Variants in PPP3CC observed in about 807,000 individuals in gnomAD.
The protein encoded by PPP3CC is protein phosphatase 3 catalytic subunit gamma.
Under a neutral mutation model 60.3 loss-of-function variants are expected in PPP3CC, and 35 were observed. The observed-to-expected ratio is 0.58, with a 90% CI of 0.44 to 0.77. The LOEUF is 0.77. Among genes scored for constraint, PPP3CC ranks in the 30% least tolerant of loss-of-function variants. PPP3CC has a pLI of 0.00. For missense variants in PPP3CC, 570 were observed against 628.9 expected (o/e 0.91, Z 1.00); for synonymous variants, 206 against 224.3 (o/e 0.92, Z 0.73).
chr8:22,460,487 C>G lies in PPP3CC; in HGVS notation c.50-14467C>G, dbSNP rs181071868. 7.0e-4 allele frequency among the ~76,000 whole-genome samples: 106 copies of G among 151,984 alleles called. 1 individual carries two copies. The East Asian group carries it at 0.017, about 25-fold the overall frequency. On this transcript the variant is annotated intron_variant, in intron 1 of 13. Transcript: ENST00000240139. ...GATTACAAGCATGAGCCACCATTCC[C>G]AGGCCAAAACTTTCGAAACTTTAAA...
Position 22,532,233 on chromosome 8 carries a change from A to G in PPP3CC, c.1150A>G (p.Thr384Ala), listed in dbSNP as rs1586872140. 3.7e-6 allele frequency: 6 copies of G among 1,610,810 alleles called. No homozygotes were observed. Among genetic ancestry groups the G allele is most frequent in the East Asian group, 2.2e-5 (1 of 44,856 alleles). The change falls in exon 11 of 14, where the codon ACA becomes GCA. Residue 384 changes from threonine (T) to alanine (A), a missense_variant. Transcript: ENST00000240139. ...TCTTTGTATTCTCTAAGGAAGCACT[A>G]CAGTTCGTAAGGAGATCATCAGGAA... ...ISDDEAEGST[T>A]VRKEIIRNKI...
chr8:22,466,359 G>T (rs192849888), intron 1 of PPP3CC, among the ~76,000 whole-genome samples: 48 of 152,228 alleles, frequency 3.2e-4, no homozygotes, highest in Admixed American at 7.8e-4. Flanking sequence ...CCTAGTAATG[G>T]GATTGCTGGG....
chr8:22,489,708 T>G (rs2132495519), intron 3 of PPP3CC, among the ~76,000 whole-genome samples: 1 of 137,078 alleles, frequency 7.3e-6, no homozygotes, highest in Non-Finnish European at 1.5e-5. Flanking sequence ...ATATATTATA[T>G]ATAAGTATAT....
intron 1 of PPP3CC, among the ~76,000 whole-genome samples, chr8:22,467,794 C>T (rs567017951): frequency 2.0e-5 from 3 of 152,274 alleles, no homozygotes; most frequent in East Asian, 1.9e-4. Flanking sequence ...TTATTTCTTA[C>T]AGTCCTAGAG....
chr8:22,511,277 G>A (rs1168437316), intron 5 of PPP3CC, 46 bp downstream of exon 5: 1 of 1,576,902 alleles, frequency 6.3e-7, no homozygotes, highest in East Asian at 2.2e-5. Context: ...TTTAAAATGT[G>A]TTGGGTTTTT....
chr8:22,511,323 T>C, intron 5 of PPP3CC, 92 bp downstream of exon 5: 2 of 1,353,676 alleles, frequency 1.5e-6, no homozygotes, highest in Non-Finnish European at 2.0e-6. Context: ...AGAGTCTCTC[T>C]CTTTCACCCG....
chr8:22,537,196 T>A (rs1839862573), intron 12 of PPP3CC, among the ~76,000 whole-genome samples: 1 of 152,220 alleles, frequency 6.6e-6, no homozygotes, highest in Non-Finnish European at 1.5e-5. Flanking sequence ...GAGATTGGTA[T>A]CTAGAAAATA....
In PPP3CC at chr8:22,441,239, G is replaced by T. The variant is rs1348915543; in HGVS notation, c.-171G>T. 25 of 525,160 alleles carry T rather than the reference G, an allele frequency of 4.8e-5. No individual in the cohort carries two copies. Among genetic ancestry groups the T allele is most frequent in the Non-Finnish European group, 5.7e-5 (18 of 317,816 alleles). 32.5% of individuals were successfully genotyped at this position (525,160 alleles called of 1,614,324 possible). On this transcript the variant is annotated 5_prime_UTR_variant, in exon 1 of 14. Coordinates refer to ENST00000240139, the MANE Select transcript of PPP3CC (RefSeq NM_005605.5). ...CGTCCTGTCAGTGGCGTCGGAGGCC[G>T]GCGCTGCGGTGGCCGCGCCCTTCTG...
chr8:22,533,054 T>C (rs1446393857), intron 12 of PPP3CC, 36 bp downstream of exon 12: 1 of 1,447,106 alleles, frequency 6.9e-7, no homozygotes, highest in Admixed American at 2.1e-5. Context: ...GAAGGTGTGC[T>C]CCCGTTACCT....
Position 22,475,120 on chromosome 8 carries a change from G to A in PPP3CC, c.216G>A (p.Lys72=), listed in dbSNP as rs774623986. 1.6e-5 allele frequency: 25 copies of A among 1,612,656 alleles called. No individual in the cohort carries two copies. The highest frequency in any genetic ancestry group is 2.0e-5 in the Non-Finnish European group (24 of 1,179,100). Residue 72 remains lysine, a synonymous_variant, in exon 2 of 14, where the codon AAG becomes AAA. Coordinates refer to ENST00000240139, the MANE Select transcript of PPP3CC (RefSeq NM_005605.5). ...GGGCTGCCATCCTGAGGCAAGAGAAGACTATGATAGAAGTAGATGCTCCAA... is the reference window on the plus strand; with the variant it reads ...GGGCTGCCATCCTGAGGCAAGAGAAAACTATGATAGAAGTAGATGCTCCAA... ...NDGAAILRQE[K]TMIEVDAPIT... is the part of the protein sequence containing the mutation.
At chr8:22,464,128 G>A (rs915131241) in intron 1 of PPP3CC, among the ~76,000 whole-genome samples, 2 of 152,062 alleles carry the variant, frequency 1.3e-5, no homozygotes, top group African/African-American at 4.8e-5. Flanking sequence ...TGATTAAATT[G>A]GGAAGGCTTA....
chr8:22,533,329 AAAAT>A (rs1839767844), intron 12 of PPP3CC, among the ~76,000 whole-genome samples: 1 of 152,250 alleles, frequency 6.6e-6, no homozygotes, highest in Admixed American at 6.5e-5. Context: ...GAATTTCATT[AAAAT>A]AAAGAACTTC....
chr8:22,530,925 G>A (rs1223113233), intron 10 of PPP3CC, among the ~76,000 whole-genome samples: 1 of 150,608 alleles, frequency 6.6e-6, no homozygotes, highest in Admixed American at 6.6e-5. Context: ...TACTATTCCT[G>A]TGAAGAGATT....
intron 3 of PPP3CC, among the ~76,000 whole-genome samples, chr8:22,481,897 G>T (rs932774225): frequency 3.3e-5 from 5 of 152,094 alleles, no homozygotes; most frequent in Non-Finnish European, 7.4e-5. Flanking sequence ...GTATTCCATG[G>T]TGTATATGTG....
rs551551588 is a variant in PPP3CC at position 22,449,412 on chromosome 8, G to A, written c.49+7954G>A. Among the ~76,000 whole-genome samples, 48 of 130,752 alleles carry A rather than the reference G, an allele frequency of 3.7e-4. 1 individual carries two copies. The Middle Eastern group carries it at 0.023, about 64-fold the overall frequency. 85.8% of individuals were successfully genotyped at this position (130,752 alleles called of 152,430 possible). A position where few individuals can be genotyped will look rare whatever the true frequency, so the allele number is the denominator to read the frequency against. ...GCAGGTTGCAGTGGGCCAAGATAGC[G>A]CCACACTCCAGCCTGGGTGACTGAG... On this transcript the variant is annotated intron_variant, in intron 1 of 13. Transcript: ENST00000240139.
chr8:22,484,511 G>A (rs1220177062), intron 3 of PPP3CC, among the ~76,000 whole-genome samples: 1 of 152,134 alleles, frequency 6.6e-6, no homozygotes, highest in African/African-American at 2.4e-5. Context: ...CAAACTTAAT[G>A]TTCTTTTTTA....
At position 22,495,549 on chromosome 8, in the gene PPP3CC, A is replaced by ATAT. The variant is rs200513942; in HGVS notation, c.373-2432_373-2430dup. 3.0e-3 allele frequency among the ~76,000 whole-genome samples: 460 copies of ATAT among 151,284 alleles called. 3 individuals carry two copies. Among genetic ancestry groups the ATAT allele is most frequent in the African/African-American group, 7.4e-3 (306 of 41,262 alleles). On this transcript the variant is annotated intron_variant, in intron 3 of 13. Transcript: ENST00000240139. ...AAATTGTTTTTTTACTATGCAAATT[A>ATAT]TATTATTATTATTATTATTATTGTT...
intron 8 of PPP3CC, chr8:22,523,656 T>G (rs752964204): frequency 2.2e-6 from 1 of 454,728 alleles, no homozygotes; most frequent in South Asian, 1.6e-5. Flanking sequence ...CTGCGACACA[T>G]TCTTTTGATT....
At chr8:22,492,694 T>A in intron 3 of PPP3CC, 1 of 881,834 alleles carries the variant, frequency 1.1e-6, no homozygotes, top group Non-Finnish European at 1.9e-6. Context: ...AAGAAATGGT[T>A]CACAGAAAGA....
Sources: allele counts gnomAD v4.1 joint callset (sites outside exome capture counted in the v4.1 genomes callset), GRCh38; gene constraint gnomAD v4.1.1; transcripts MANE v1.5; gene names NCBI Gene and HGNC (gene_info 2026-07-23, HGNC 2026-07-21).